Variants in FOXP1 observed in about 807,000 individuals in gnomAD.
FOXP1 encodes the protein forkhead box protein P1.
A neutral mutation model predicts 98.2 loss-of-function variants in FOXP1; 15 were observed. The observed-to-expected ratio is 0.15, with a 90% CI of 0.10 to 0.24. FOXP1 has a LOEUF of 0.24. FOXP1 is among the 10% of genes least tolerant of loss of function. FOXP1 has a pLI of 1.00. For synonymous variants in FOXP1, 371 were observed against 314.5 expected, an observed-to-expected ratio of 1.18 and a Z score of -1.90; for missense variants, 633 against 848.5, an observed-to-expected ratio of 0.75 and a Z score of 3.15.
At chr3:71,543,002 T>A (rs1180463576) in intron 2 of FOXP1, among the ~76,000 whole-genome samples, 1 of 152,162 alleles carries the variant, frequency 6.6e-6, no homozygotes, top group Non-Finnish European at 1.5e-5. Context: ...AGGCAATGCT[T>A]GTGTTTAGCC....
chr3:71,518,974 G>A (rs140471572), intron 2 of FOXP1, among the ~76,000 whole-genome samples: 3 of 152,230 alleles, frequency 2.0e-5, no homozygotes, highest in Non-Finnish European at 2.9e-5. Context: ...GGCCAGGTGC[G>A]GTGGCTCACG....
At chr3:71,222,638 C>T (rs1560140183) in intron 5 of FOXP1, among the ~76,000 whole-genome samples, 1 of 152,126 alleles carries the variant, frequency 6.6e-6, no homozygotes, top group South Asian at 2.1e-4. Context: ...AGGCTAGTCT[C>T]GAACTCCTGA....
chr3:71,582,509 G>A, intron 1 of FOXP1: 1 of 985,464 alleles, frequency 1.0e-6, no homozygotes, highest in Non-Finnish European at 1.2e-6. Context: ...GAGGGACGGA[G>A]AGCCATCGGC....
intron 2 of FOXP1, among the ~76,000 whole-genome samples, chr3:71,522,177 C>T (rs919665319): frequency 2.0e-5 from 3 of 152,202 alleles, no homozygotes; most frequent in African/African-American, 7.2e-5. Flanking sequence ...AAACACTGAG[C>T]TCCCTGTGGG....
At chr3:71,544,698 A>T (rs1047575156) in intron 2 of FOXP1, among the ~76,000 whole-genome samples, 14 of 152,332 alleles carry the variant, frequency 9.2e-5, no homozygotes, top group African/African-American at 3.1e-4. Flanking sequence ...GCAGAATATG[A>T]TCACAAAGAG....
intron 3 of FOXP1, among the ~76,000 whole-genome samples, chr3:71,374,696 T>C (rs2079591104): frequency 6.6e-6 from 1 of 152,212 alleles, no homozygotes; most frequent in African/African-American, 2.4e-5. Context: ...AAATAATTAT[T>C]GTGCAAGTAT....
chr3:71,003,784 C>G (rs2042413711), intron 12 of FOXP1, among the ~76,000 whole-genome samples: 1 of 152,116 alleles, frequency 6.6e-6, no homozygotes, highest in Non-Finnish European at 1.5e-5. Flanking sequence ...ATCATTTAAT[C>G]ATAATCCTAG....
intron 3 of FOXP1, among the ~76,000 whole-genome samples, chr3:71,429,698 T>C (rs916118292): frequency 2.0e-5 from 3 of 152,328 alleles, no homozygotes; most frequent in South Asian, 2.1e-4. Flanking sequence ...TAACTAAATA[T>C]TGAGCTAAAA....
chr3:71,152,131 A>G (rs2108072207), intron 6 of FOXP1, among the ~76,000 whole-genome samples: 1 of 152,276 alleles, frequency 6.6e-6, no homozygotes, highest in Non-Finnish European at 1.5e-5. Flanking sequence ...GTTCCTGAAG[A>G]CAGAGATTCT....
At chr3:70,975,776 G>A (rs1340594826) in intron 17 of FOXP1, among the ~76,000 whole-genome samples, 2 of 152,050 alleles carry the variant, frequency 1.3e-5, no homozygotes, top group African/African-American at 2.4e-5. Flanking sequence ...CCTTCTATAA[G>A]CAAGAATATT....
At chr3:71,413,115 AAC>A (rs139681534) in intron 3 of FOXP1, among the ~76,000 whole-genome samples, 1 of 143,810 alleles carries the variant, frequency 7.0e-6, no homozygotes, top group African/African-American at 2.6e-5. Context: ...ATTCAGCTAA[AAC>A]ACACACACAC....
chr3:71,513,532 A>G (rs1383468697), intron 2 of FOXP1, among the ~76,000 whole-genome samples: 3 of 152,128 alleles, frequency 2.0e-5, no homozygotes, highest in African/African-American at 4.8e-5. Flanking sequence ...CCCGTGGTCT[A>G]TTCTCAACAC....
At chr3:71,130,586 T>C (rs2059509592) in intron 6 of FOXP1, 2 of 1,598,468 alleles carry the variant, frequency 1.3e-6, no homozygotes, top group East Asian at 2.2e-5. Flanking sequence ...TGGCTGTTTC[T>C]GCGAAGCGGG....
intron 19 of FOXP1, among the ~76,000 whole-genome samples, chr3:70,967,826 C>G (rs1191669574): frequency 6.7e-6 from 1 of 148,874 alleles, no homozygotes; most frequent in Non-Finnish European, 1.5e-5. Context: ...TGTCTTTCCA[C>G]TGGAAATACC....
chr3:71,485,369 T>G lies in FOXP1; in HGVS notation c.-168+8057A>C, dbSNP rs2090571351. On this transcript the variant is annotated intron_variant, in intron 3 of 20. Coordinates refer to ENST00000649528, the MANE Select transcript of FOXP1 (RefSeq NM_001349338.3). ...TATCAAGCTTCTGCCCCAACATTTT[T>G]TCTTATTTTCTGAAGATTCATAAAG... Among the ~76,000 whole-genome samples, 12 of 152,364 alleles carry G rather than the reference T, an allele frequency of 7.9e-5. No homozygotes were observed. In the South Asian group the frequency reaches 2.5e-3, roughly 32 times the overall value.
intron 2 of FOXP1, among the ~76,000 whole-genome samples, chr3:71,553,897 G>C (rs1298406409): frequency 2.0e-5 from 3 of 152,150 alleles, no homozygotes; most frequent in African/African-American, 7.2e-5. Flanking sequence ...AATGTTGGTA[G>C]TTAGCTACAG....
chr3:71,364,693 C>T (rs747016685), intron 3 of FOXP1, among the ~76,000 whole-genome samples: 4 of 152,174 alleles, frequency 2.6e-5, no homozygotes, highest in Non-Finnish European at 5.9e-5. Context: ...TTAAGTGTCA[C>T]ATTGCAGTAC....
intron 2 of FOXP1, chr3:71,574,476 A>G (rs1261804557): frequency 6.6e-6 from 1 of 152,210 alleles, no homozygotes; most frequent in Non-Finnish European, 1.5e-5. Context: ...TTTATTTCAT[A>G]ATCTTGTAGG....
chr3:71,252,180 A>T (rs746948594), intron 5 of FOXP1, among the ~76,000 whole-genome samples: 1 of 152,192 alleles, frequency 6.6e-6, no homozygotes, highest in African/African-American at 2.4e-5. Flanking sequence ...CTTTAAATGC[A>T]ACCATGTAGG....
Sources: gnomAD v4.1 joint callset for allele counts (sites outside exome capture counted in the v4.1 genomes callset) on GRCh38, gnomAD v4.1.1 for gene constraint, MANE v1.5 for transcripts, NCBI Gene and HGNC (gene_info 2026-07-23, HGNC 2026-07-21) for gene names.